Variants in ANXA8 observed in about 807,000 individuals in gnomAD.
ANXA8 encodes the protein VAC-beta.
In ANXA8, 9 loss-of-function variants were observed where a neutral mutation model predicts 26.8. That is an observed-to-expected ratio of 0.34 (90% CI 0.20 to 0.59). The LOEUF (loss-of-function observed/expected upper bound fraction) is 0.59, where lower values mean the gene tolerates loss of function less well. Among genes scored for constraint, ANXA8 ranks in the 20% least tolerant of loss-of-function variants. The probability of loss-of-function intolerance (pLI) is 0.84; values close to 1 mark genes in which losing one functional copy is unlikely to be tolerated. For synonymous variants in ANXA8, 39 were observed against 94.8 expected (o/e 0.41, Z 3.42); for missense variants, 83 against 238.5 (o/e 0.35, Z 4.29).
At chr10:47,663,408 A>G in the ANXA8 span, among the ~76,000 whole-genome samples, 1 of 137,944 alleles carries the variant, frequency 7.2e-6, no homozygotes, top group African/African-American at 3.2e-5. Flanking sequence ...TTTTTTTGAG[A>G]CAGAATCTTG....
At chr10:47,709,747 G>A in the ANXA8 span, among the ~76,000 whole-genome samples, 1 of 102,034 alleles carries the variant, frequency 9.8e-6, no homozygotes, top group Non-Finnish European at 1.9e-5. Flanking sequence ...CGTGTGGAAA[G>A]AGTAAGGCAC....
At chr10:47,627,714 G>T in the ANXA8 span, among the ~76,000 whole-genome samples, 3 of 149,956 alleles carry the variant, frequency 2.0e-5, no homozygotes, top group Non-Finnish European at 4.4e-5. Flanking sequence ...AGATGCCAGG[G>T]AAATTTATAA....
chr10:47,892,544 GA>G, the ANXA8 span, among the ~76,000 whole-genome samples: 1 of 147,956 alleles, frequency 6.8e-6, no homozygotes, highest in Middle Eastern at 3.4e-3. Flanking sequence ...CTGCATAGGT[GA>G]GTGAATCATG....
the ANXA8 span, among the ~76,000 whole-genome samples, chr10:47,675,914 G>A: frequency 6.6e-6 from 1 of 151,622 alleles, no homozygotes; most frequent in Non-Finnish European, 1.5e-5. Context: ...TGGAAATTAT[G>A]CCAAAGAACC....
chr10:47,639,804 T>C, the ANXA8 span, among the ~76,000 whole-genome samples: 2 of 142,834 alleles, frequency 1.4e-5, no homozygotes, highest in Admixed American at 1.4e-4. Flanking sequence ...TCAGAAATGG[T>C]TTCTACTCTG....
chr10:47,555,969 A>G, the ANXA8 span, among the ~76,000 whole-genome samples: 1 of 151,974 alleles, frequency 6.6e-6, no homozygotes, highest in Non-Finnish European at 1.5e-5. Flanking sequence ...AAAGACAGAT[A>G]AAACATTTTG....
At chr10:47,663,311 A>G in the ANXA8 span, among the ~76,000 whole-genome samples, 1 of 148,280 alleles carries the variant, frequency 6.7e-6, no homozygotes, top group Non-Finnish European at 1.5e-5. Context: ...TATCAACTCA[A>G]CCTCTTATAT....
the ANXA8 span, among the ~76,000 whole-genome samples, chr10:47,514,244 C>T: frequency 6.7e-6 from 1 of 149,454 alleles, no homozygotes; most frequent in Non-Finnish European, 1.5e-5. Flanking sequence ...CTGTGATATA[C>T]ATACATATTA....
the ANXA8 span, among the ~76,000 whole-genome samples, chr10:47,955,173 TTGCC>T: frequency 6.7e-6 from 1 of 149,796 alleles, no homozygotes; most frequent in Non-Finnish European, 1.5e-5. Flanking sequence ...AGCTCTCTCT[TTGCC>T]TGCTGCTAAC....
At chr10:47,558,237 T>C in the ANXA8 span, among the ~76,000 whole-genome samples, 1 of 151,900 alleles carries the variant, frequency 6.6e-6, no homozygotes, top group Non-Finnish European at 1.5e-5. Context: ...TTTACTGAGA[T>C]AGATAAATAA....
the ANXA8 span, among the ~76,000 whole-genome samples, chr10:47,675,283 T>C: frequency 8.1e-5 from 12 of 148,240 alleles, no homozygotes; most frequent in Admixed American, 6.8e-5. Flanking sequence ...ACTACATGGA[T>C]GATTCTAACT....
At chr10:47,660,416 A>T in the ANXA8 span, among the ~76,000 whole-genome samples, 15 of 149,666 alleles carry the variant, frequency 1.0e-4, no homozygotes, top group East Asian at 5.8e-4. Context: ...TTTTTTTTTT[A>T]AATTGAGACA....
the ANXA8 span, among the ~76,000 whole-genome samples, chr10:47,950,675 G>A: frequency 6.6e-6 from 1 of 150,668 alleles, no homozygotes; most frequent in East Asian, 2.0e-4. Flanking sequence ...AATAGCAGAA[G>A]GATATCTAGA....
At chr10:47,678,743 G>A in the ANXA8 span, among the ~76,000 whole-genome samples, 1 of 151,668 alleles carries the variant, frequency 6.6e-6, no homozygotes, top group African/African-American at 2.4e-5. Flanking sequence ...AATTACTTTA[G>A]GAAACAGCGT....
the ANXA8 span, among the ~76,000 whole-genome samples, chr10:47,968,396 CATT>C: frequency 4.8e-5 from 7 of 145,736 alleles, no homozygotes; most frequent in Non-Finnish European, 6.2e-5. Context: ...TTTGAAGACT[CATT>C]GTTGTAATTG....
chr10:47,619,787 CAG>C, the ANXA8 span, among the ~76,000 whole-genome samples: 1 of 113,856 alleles, frequency 8.8e-6, no homozygotes, highest in Non-Finnish European at 2.0e-5. Context: ...GCTTGAGAGA[CAG>C]GGAAAGGCAG....
At chr10:47,639,318 T>TATTA in the ANXA8 span, among the ~76,000 whole-genome samples, 7 of 115,930 alleles carry the variant, frequency 6.0e-5, no homozygotes, top group Non-Finnish European at 7.1e-5. Flanking sequence ...ATTATTATTT[T>TATTA]TTTTTTTTTT....
the ANXA8 span, among the ~76,000 whole-genome samples, chr10:47,744,949 G>A: frequency 7.9e-5 from 12 of 152,008 alleles, no homozygotes; most frequent in Admixed American, 2.6e-4. Context: ...ATCCCATGTA[G>A]GAGTCTAAAC....
chr10:47,954,362 A>T, the ANXA8 span, among the ~76,000 whole-genome samples: 3 of 151,068 alleles, frequency 2.0e-5, no homozygotes, highest in Non-Finnish European at 4.4e-5. Context: ...ACTCATGGAG[A>T]TAGAGAGTGG....
Sources: gnomAD v4.1 joint callset for allele counts (sites outside exome capture counted in the v4.1 genomes callset) on GRCh38, gnomAD v4.1.1 for gene constraint, MANE v1.5 for transcripts, NCBI Gene and HGNC (gene_info 2026-07-23, HGNC 2026-07-21) for gene names.